ATG5: variants seen among roughly 807,000 people sequenced by gnomAD.
ATG5 encodes the protein autophagy related 5.
A neutral mutation model predicts 36.5 loss-of-function variants in ATG5; 14 were observed. The ratio of observed to expected loss-of-function variants is 0.38; its 90% CI spans 0.25 to 0.60. The LOEUF is 0.60. Among genes scored for constraint, ATG5 ranks in the 20% least tolerant of loss-of-function variants. ATG5 has a pLI of 0.60. For synonymous variants in ATG5, 95 were observed against 101.5 expected, an observed-to-expected ratio of 0.94 and a Z score of 0.38; for missense variants, 195 against 326.7, an observed-to-expected ratio of 0.60 and a Z score of 3.11.
chr6:106,229,316 G>C (rs1367842522), intron 6 of ATG5, among the ~76,000 whole-genome samples: 2 of 151,610 alleles, frequency 1.3e-5, no homozygotes, highest in African/African-American at 4.9e-5. Flanking sequence ...TGTGGGACCT[G>C]TTCCCCACCA....
intron 1 of ATG5, among the ~76,000 whole-genome samples, chr6:106,318,682 C>T (rs1404404879): frequency 1.3e-5 from 2 of 152,126 alleles, no homozygotes; most frequent in Non-Finnish European, 2.9e-5. Context: ...TGTAGTAGAG[C>T]TGATACAAAT....
intron 6 of ATG5, among the ~76,000 whole-genome samples, chr6:106,204,503 CTG>C (rs1276802513): frequency 6.6e-6 from 1 of 152,082 alleles, no homozygotes; most frequent in Non-Finnish European, 1.5e-5. Flanking sequence ...TGTTTTGGCT[CTG>C]TGTTTCCATC....
chr6:106,216,894 T>C (rs1171122020), intron 6 of ATG5, among the ~76,000 whole-genome samples: 2 of 151,066 alleles, frequency 1.3e-5, no homozygotes, highest in Non-Finnish European at 3.0e-5. Flanking sequence ...TCTAAATAAA[T>C]AAACAAATAA....
chr6:106,276,464 CAA>C (rs35078793), intron 5 of ATG5, among the ~76,000 whole-genome samples: 25 of 109,362 alleles, frequency 2.3e-4, no homozygotes, highest in Admixed American at 2.7e-4. Flanking sequence ...ACTCTGTCTC[CAA>C]AAAAAAAAAA....
chr6:106,251,656 G>A (rs1164718744), intron 5 of ATG5, among the ~76,000 whole-genome samples: 2 of 76,138 alleles, frequency 2.6e-5, no homozygotes, highest in Non-Finnish European at 5.6e-5. Context: ...AGGGAGGGAG[G>A]GAGGAAGGGA....
chr6:106,226,459 T>A (rs1333089343), intron 6 of ATG5, among the ~76,000 whole-genome samples: 2 of 152,022 alleles, frequency 1.3e-5, no homozygotes, highest in African/African-American at 4.8e-5. Flanking sequence ...CAGCAGAAAC[T>A]GGCCCTGAAA....
intron 5 of ATG5, among the ~76,000 whole-genome samples, chr6:106,277,612 C>G (rs1378789847): frequency 2.6e-5 from 4 of 152,184 alleles, no homozygotes; most frequent in African/African-American, 9.6e-5. Flanking sequence ...GCCAGGAATT[C>G]GAGACCAGCC....
At chr6:106,281,926 G>C (rs140327997) in intron 4 of ATG5, among the ~76,000 whole-genome samples, 79 of 152,282 alleles carry the variant, frequency 5.2e-4, no homozygotes, top group Non-Finnish European at 1.1e-3. Context: ...GATGACTAAA[G>C]ATGTTGAGTG....
chr6:106,239,626 G>C (rs2114489056), intron 6 of ATG5, among the ~76,000 whole-genome samples: 1 of 152,320 alleles, frequency 6.6e-6, no homozygotes, highest in East Asian at 1.9e-4. Flanking sequence ...CTGATGTAAT[G>C]AATAAAGAAT....
At chr6:106,224,893 CAAACA>C (rs1015816059) in intron 6 of ATG5, among the ~76,000 whole-genome samples, 1 of 152,014 alleles carries the variant, frequency 6.6e-6, no homozygotes, top group Non-Finnish European at 1.5e-5. Flanking sequence ...AAAAAACAAA[CAAACA>C]AAACAAAACA....
At chr6:106,282,427 A>C (rs1171753826) in intron 4 of ATG5, among the ~76,000 whole-genome samples, 1 of 152,164 alleles carries the variant, frequency 6.6e-6, no homozygotes, top group East Asian at 1.9e-4. Flanking sequence ...AAGTTTGTGG[A>C]TGTTGTGCCC....
At chr6:106,254,648 A>C (rs961134437) in intron 5 of ATG5, among the ~76,000 whole-genome samples, 30 of 152,358 alleles carry the variant, frequency 2.0e-4, no homozygotes, top group African/African-American at 7.2e-4. Context: ...CAAGACACTT[A>C]CTGTGCCTGA....
chr6:106,231,850 C>T lies in ATG5; in HGVS notation c.573+16300G>A, dbSNP rs78025440. On this transcript the variant is annotated intron_variant, in intron 6 of 7. Coordinates refer to ENST00000369076, the MANE Select transcript of ATG5 (RefSeq NM_004849.4). ...TGGGACAAATGGGATAAAAAAAAGG[C>T]CACCGCTTTAGTCATGGCCCTCAGG... is the stretch of plus-strand genomic sequence containing the variant. Among the ~76,000 whole-genome samples the T allele has an allele frequency of 3.9e-3, 588 of 152,242 alleles. 1 individual carries two copies. Among genetic ancestry groups the T allele is most frequent in the African/African-American group, 0.013 (536 of 41,534 alleles).
intron 3 of ATG5, among the ~76,000 whole-genome samples, chr6:106,297,716 AAAC>A (rs1315334938): frequency 5.7e-5 from 7 of 121,990 alleles, no homozygotes; most frequent in Non-Finnish European, 9.8e-5. Flanking sequence ...AAAATGACTT[AAAC>A]ACACACACAC....
chr6:106,195,427 C>T (rs1453343425), intron 7 of ATG5, among the ~76,000 whole-genome samples: 1 of 152,120 alleles, frequency 6.6e-6, no homozygotes, highest in African/African-American at 2.4e-5. Flanking sequence ...TGAACTGAAC[C>T]AGGCAGTAAA....
intron 1 of ATG5, among the ~76,000 whole-genome samples, chr6:106,324,540 G>C (rs1771219579): frequency 1.3e-5 from 2 of 152,180 alleles, no homozygotes; most frequent in Admixed American, 6.5e-5. Context: ...TTATTCTTTT[G>C]TTTACTATTT....
rs1227623961 is a variant in ATG5 at position 106,315,631 on chromosome 6, TTA to T, written c.108+468_108+469del. On this transcript the variant is annotated intron_variant, in intron 2 of 7. Transcript: ENST00000369076. ...ATCGTGTGTGTGTATGTGTGCATGT[TTA>T]TATGTTCTTTAAGCTATAAAAACAC... Among the ~76,000 whole-genome samples, 10 of 152,252 alleles carry T rather than the reference TTA, an allele frequency of 6.6e-5. No homozygotes were observed. The East Asian group carries it at 9.6e-4, about 15-fold the overall frequency.
chr6:106,285,856 C>T (rs1249633050), intron 4 of ATG5, among the ~76,000 whole-genome samples: 1 of 152,118 alleles, frequency 6.6e-6, no homozygotes. Flanking sequence ...ACTCTTATAT[C>T]ACAGGCCATG....
chr6:106,186,482 G>C lies in ATG5; in HGVS notation c.*58C>G. 1.9e-6 allele frequency: 3 copies of C among 1,590,146 alleles called. No individual in the cohort carries two copies. Among genetic ancestry groups the C allele is most frequent in the Non-Finnish European group, 2.6e-6 (3 of 1,160,976 alleles). ...CCAAACCTGATTGAAGCAAAAGGGT[G>C]ACATGCTCTGATAAATCCCATTTAA... On this transcript the variant is annotated 3_prime_UTR_variant, in exon 8 of 8. Coordinates refer to ENST00000369076, the MANE Select transcript of ATG5 (RefSeq NM_004849.4).
Sources: allele counts gnomAD v4.1 joint callset (sites outside exome capture counted in the v4.1 genomes callset), GRCh38; gene constraint gnomAD v4.1.1; transcripts MANE v1.5; gene names NCBI Gene and HGNC (gene_info 2026-07-23, HGNC 2026-07-21).